Variants in PDE4C observed in about 807,000 individuals in gnomAD.
The protein encoded by PDE4C is phosphodiesterase 4C.
PDE4C carries 50 observed loss-of-function variants against 63.9 expected under a neutral mutation model. The ratio of observed to expected loss-of-function variants is 0.78; its 90% confidence interval spans 0.62 to 0.99. The LOEUF (loss-of-function observed/expected upper bound fraction) is 0.99. Ranked by LOEUF, PDE4C falls within the 50% of genes least tolerant of loss-of-function variation. PDE4C has a pLI of 0.00. For synonymous variants in PDE4C, 377 were observed against 385.1 expected (o/e 0.98, Z 0.25); for missense variants, 777 against 899.1 (o/e 0.86, Z 1.74).
chr19:18,222,005 G>T, intron 2 of PDE4C, 127 bp downstream of exon 2: 1 of 763,974 alleles, frequency 1.3e-6, no homozygotes, highest in Non-Finnish European at 2.1e-6. Flanking sequence ...TATATGAGCT[G>T]TCTGGCAAAC....
chr19:18,244,143 T>C (rs534944151), intron 1 of PDE4C, among the ~76,000 whole-genome samples: 2 of 152,172 alleles, frequency 1.3e-5, no homozygotes, highest in Admixed American at 1.3e-4. Flanking sequence ...AGTGCTAGGA[T>C]TACAGGCATG....
the PDE4C span, chr19:18,255,178 C>A: frequency 2.5e-6 from 1 of 398,526 alleles, no homozygotes; most frequent in South Asian, 1.3e-4. The surrounding 1 kb of genome is among the most constrained non-coding windows in gnomAD (Gnocchi z 4.6). Context: ...CCACCCCCAC[C>A]CTTCCGCTTT....
At chr19:18,216,865 G>T (rs759273148) in exon 12 of PDE4C, 1 of 1,613,996 alleles carries the variant, frequency 6.2e-7, no homozygotes, top group Admixed American at 1.7e-5. Context: ...CAGCACCGAG[G>T]CGTCGTTGTA....
upstream of PDE4C, among the ~76,000 whole-genome samples, chr19:18,235,253 C>A: frequency 6.6e-6 from 1 of 152,322 alleles, no homozygotes; most frequent in Middle Eastern, 3.4e-3. Flanking sequence ...TCACTGCGAC[C>A]TCTGCCTCCC....
chr19:18,224,155 C>G lies in PDE4C; in HGVS notation c.147-1832G>C, dbSNP rs149069441. On this transcript the variant is annotated intron_variant, in intron 1 of 14. Transcript: ENST00000262805. ...GTTCTACCCTCAAACCCTGTCTTTCCCTCTGGCTCCTCCTCTTTGGGGTCA... is the reference window on the plus strand; with the variant it reads ...GTTCTACCCTCAAACCCTGTCTTTCGCTCTGGCTCCTCCTCTTTGGGGTCA... 3.6e-4 allele frequency: 350 copies of G among 960,742 alleles called. 5 individuals carry two copies. In the African/African-American group the frequency reaches 5.6e-3, roughly 15 times the overall value. The allele number at this position is 960,742 out of a possible 1,614,324, so 59.5% of individuals were successfully genotyped here. A position where few individuals can be genotyped will look rare whatever the true frequency, so the allele number is the denominator to read the frequency against.
At chr19:18,250,698 C>T (rs1969220205), upstream of PDE4C, among the ~76,000 whole-genome samples, 1 of 152,102 alleles carries the variant, frequency 6.6e-6, no homozygotes. Flanking sequence ...CCTCTATCTC[C>T]TGGGCTCAAG....
intron 1 of PDE4C, among the ~76,000 whole-genome samples, chr19:18,239,448 G>C (rs1343590728): frequency 6.6e-6 from 1 of 152,210 alleles, no homozygotes. Flanking sequence ...AGCGGCCTCA[G>C]TTTGCCCATC....
At chr19:18,226,341 C>T in exon 1 of PDE4C, 2 of 1,534,656 alleles carry the variant, frequency 1.3e-6, no homozygotes, top group Non-Finnish European at 1.7e-6. Flanking sequence ...TCCTGAAGAG[C>T]CCGGGGGAGC....
chr19:18,221,191 G>C lies in PDE4C; in HGVS notation c.376-13C>G, dbSNP rs1968468410. ...GACTGGCCAGGACCTGTTGGGAGGA[G>C]GTGGTAGGCGGTGGGAAGGAGAGGC... On this transcript the variant is annotated splice_polypyrimidine_tract_variant and intron_variant, in intron 3 of 14. Coordinates refer to ENST00000262805, the Ensembl canonical transcript of PDE4C. The C allele has an allele frequency of 1.9e-6, 3 of 1,567,962 alleles. No homozygotes were observed. Among genetic ancestry groups the C allele is most frequent in the African/African-American group, 1.4e-5 (1 of 72,904 alleles).
At chr19:18,213,279 G>C in intron 13 of PDE4C, 89 bp downstream of exon 13, 1 of 1,203,056 alleles carries the variant, frequency 8.3e-7, no homozygotes, top group Non-Finnish European at 1.1e-6. Context: ...GTGAGACTCC[G>C]TCTCAATAAA....
intron 12 of PDE4C, 99 bp downstream of exon 12, chr19:18,216,642 G>A (rs941103929): frequency 1.5e-5 from 19 of 1,230,068 alleles, no homozygotes; most frequent in Middle Eastern, 2.9e-4. Flanking sequence ...TGGATGAACC[G>A]CCGGCCATGC....
intron 1 of PDE4C, among the ~76,000 whole-genome samples, chr19:18,244,616 G>T (rs1410010021): frequency 6.6e-6 from 1 of 151,702 alleles, no homozygotes; most frequent in South Asian, 2.1e-4. Flanking sequence ...GGGTTCAAGC[G>T]ATCCTTCTGC....
the PDE4C span, among the ~76,000 whole-genome samples, chr19:18,254,425 A>G: frequency 6.6e-6 from 1 of 152,198 alleles, no homozygotes; most frequent in African/African-American, 2.4e-5. Flanking sequence ...CCAGAAGGTA[A>G]AAATAAAGAT....
At chr19:18,241,255 G>GTTTTTTTTTTTT (rs200717537) in intron 1 of PDE4C, among the ~76,000 whole-genome samples, 2 of 78,514 alleles carry the variant, frequency 2.5e-5, no homozygotes, top group African/African-American at 9.9e-5. Flanking sequence ...TTCTTCTCTT[G>GTTTTTTTTTTTT]TTTTTTTTTT....
intron 9 of PDE4C, 140 bp from the exon 10 acceptor site, chr19:18,218,638 T>C: frequency 1.1e-6 from 1 of 931,480 alleles, no homozygotes; most frequent in Non-Finnish European, 1.7e-6. Context: ...CCTGAACTCC[T>C]CCACTCTGTG....
At chr19:18,233,374 C>T (rs1386665040) in exon 1 of PDE4C, 2 of 792,458 alleles carry the variant, frequency 2.5e-6, no homozygotes, top group Non-Finnish European at 4.3e-6. Flanking sequence ...GGGCCGACAC[C>T]GAGGAGCTGT....
chr19:18,213,939 C>G (rs1489755291), intron 12 of PDE4C, among the ~76,000 whole-genome samples: 1 of 152,222 alleles, frequency 6.6e-6, no homozygotes, highest in Non-Finnish European at 1.5e-5. Flanking sequence ...CCAACTCCTA[C>G]TCATCCTTCA....
chr19:18,252,254 T>A (rs116346569), upstream of PDE4C: 4,544 of 398,858 alleles, frequency 0.011, 198 homozygotes, highest in African/African-American at 0.085. Context: ...GGGAGGAGGG[T>A]ATCATCCTTG....
At chr19:18,213,045 G>A (rs2148004763) in intron 13 of PDE4C, among the ~76,000 whole-genome samples, 1 of 147,692 alleles carries the variant, frequency 6.8e-6, no homozygotes, top group South Asian at 2.2e-4. Flanking sequence ...TGTAATCCCA[G>A]CACTTTGGGA....
Sources: allele counts gnomAD v4.1 joint callset (sites outside exome capture counted in the v4.1 genomes callset), GRCh38; gene constraint gnomAD v4.1.1; non-coding constraint Gnocchi (gnomAD v3.1); transcripts MANE v1.5; gene names NCBI Gene and HGNC (gene_info 2026-07-23, HGNC 2026-07-21).